The following SLC22A8 variants were observed in gnomAD, a reference collection of about 807,000 sequenced individuals.
The protein encoded by SLC22A8 is organic anion transporter 3.
SLC22A8 carries 40 observed loss-of-function variants against 48.4 expected under a neutral mutation model. That is an observed-to-expected ratio of 0.83 (90% CI 0.64 to 1.08). The LOEUF (loss-of-function observed/expected upper bound fraction) is 1.08, where lower values mean the gene tolerates loss of function less well. Ranked by LOEUF, SLC22A8 falls within the 50% of genes least tolerant of loss-of-function variation. SLC22A8 has a pLI of 0.00. For synonymous variants in SLC22A8, 268 were observed against 286.3 expected (o/e 0.94, Z 0.65); for missense variants, 606 against 699.0 (o/e 0.87, Z 1.50).
chr11:62,997,811 C>T (rs769743896), intron 5 of SLC22A8, among the ~76,000 whole-genome samples: 7 of 152,216 alleles, frequency 4.6e-5, no homozygotes, highest in Non-Finnish European at 1.0e-4. Flanking sequence ...GTCTCCCTCA[C>T]ACAGAGAAGC....
intron 6 of SLC22A8, 34 bp downstream of exon 6, chr11:62,995,995 G>A (rs374058007): frequency 1.4e-5 from 23 of 1,613,126 alleles, no homozygotes; most frequent in South Asian, 2.2e-5. Flanking sequence ...GAGCACAGGG[G>A]TTCTGCTCCC....
intron 2 of SLC22A8, among the ~76,000 whole-genome samples, chr11:63,006,897 G>C (rs1237050202): frequency 6.6e-6 from 1 of 151,824 alleles, no homozygotes; most frequent in East Asian, 1.9e-4. Context: ...GTGAGCCACC[G>C]CGCCCAGCCT....
intron 6 of SLC22A8, 39 bp from the exon 7 acceptor site, chr11:62,995,858 A>G (rs1329860098): frequency 1.3e-6 from 2 of 1,545,574 alleles, no homozygotes; most frequent in Admixed American, 3.3e-5. Context: ...ATTAATGACC[A>G]GCTAGTGGGC....
At chr11:63,005,197 C>T (rs1350201182) in intron 2 of SLC22A8, among the ~76,000 whole-genome samples, 1 of 152,200 alleles carries the variant, frequency 6.6e-6, no homozygotes, top group Non-Finnish European at 1.5e-5. Flanking sequence ...TAATGAAGCA[C>T]ATCAGAACTG....
chr11:63,012,777 C>T (rs377279974), intron 2 of SLC22A8, among the ~76,000 whole-genome samples: 17 of 152,318 alleles, frequency 1.1e-4, no homozygotes, highest in Non-Finnish European at 2.4e-4. Flanking sequence ...AGCGGGTCTG[C>T]GTCTCGCTGG....
Position 62,999,677 on chromosome 11 carries a change from C to T in SLC22A8, c.592+11G>A, listed in dbSNP as rs1333616573. The T allele has an allele frequency of 1.9e-6, 3 of 1,539,738 alleles. No individual in the cohort carries two copies. Among genetic ancestry groups the T allele is most frequent in the Admixed American group, 1.9e-5 (1 of 52,490 alleles). On this transcript the variant is annotated intron_variant, in intron 4 of 10. Transcript: ENST00000336232. ...CCCCAAAGCCCAGCTCCATGCCCCA[C>T]TGCAGCTCACTCAAGATGACGGTGC...
chr11:62,999,811 AG>A lies in SLC22A8; in HGVS notation c.468del (p.Tyr157ThrfsTer36). ...GAGCCGCTGGCTGCCAGCAGCAGGT[AG>A]CTGCAGGTCAGGATGGGCCTGCGGC... is the stretch of plus-strand genomic sequence containing the variant. ...RFGRRPILTC[S>X]YLLLAASGSG... On this transcript the variant is annotated frameshift_variant, in exon 4 of 11. Coordinates refer to ENST00000336232, the MANE Select transcript of SLC22A8 (RefSeq NM_004254.4). LOFTEE classifies it high-confidence loss of function. 6.2e-7 allele frequency: 1 copy of A among 1,600,944 alleles called. No individual in the cohort carries two copies. Among genetic ancestry groups the A allele is most frequent in the Non-Finnish European group, 8.5e-7 (1 of 1,173,236 alleles).
chr11:62,999,935 G>A (rs1590692888), intron 3 of SLC22A8, 93 bp from the exon 4 acceptor site: 1 of 1,111,818 alleles, frequency 9.0e-7, no homozygotes, highest in Admixed American at 3.8e-5. Flanking sequence ...GGCTGAATCC[G>A]ACCCCCAACC....
intron 2 of SLC22A8, among the ~76,000 whole-genome samples, chr11:63,007,902 A>G (rs2086574356): frequency 6.6e-6 from 1 of 152,244 alleles, no homozygotes; most frequent in South Asian, 2.1e-4. Flanking sequence ...TTGCTCAAGC[A>G]TAGCTTAATT....
At chr11:62,996,677 C>T (rs1482149156) in intron 5 of SLC22A8, among the ~76,000 whole-genome samples, 1 of 152,216 alleles carries the variant, frequency 6.6e-6, no homozygotes, top group African/African-American at 2.4e-5. Flanking sequence ...ACTAACTCTG[C>T]TGGGGGAGTT....
chr11:63,007,314 G>A (rs2135138574), intron 2 of SLC22A8, among the ~76,000 whole-genome samples: 1 of 152,270 alleles, frequency 6.6e-6, no homozygotes, highest in Non-Finnish European at 1.5e-5. Context: ...TCCACATAAT[G>A]TTCTTGCTCC....
intron 2 of SLC22A8, among the ~76,000 whole-genome samples, chr11:63,006,595 G>GTTTGTTTTTTTTT (rs2086557360): frequency 1.9e-5 from 1 of 51,402 alleles, no homozygotes; most frequent in Non-Finnish European, 3.5e-5. Context: ...TCTCATTTGA[G>GTTTGTTTTTTTTT]TTTTTTTTTT....
At chr11:62,993,679 G>A (rs2086372898) in intron 9 of SLC22A8, 52 bp from the exon 10 acceptor site, 1 of 1,598,552 alleles carries the variant, frequency 6.3e-7, no homozygotes, top group South Asian at 1.1e-5. Flanking sequence ...GTTCATAAAG[G>A]ATGGCTCCCC....
chr11:62,993,215 G>T lies in SLC22A8; in HGVS notation c.*22C>A. 1 of 1,592,030 alleles carries T rather than the reference G, an allele frequency of 6.3e-7. No homozygotes were observed. The highest frequency in any genetic ancestry group is 8.6e-7 in the Non-Finnish European group (1 of 1,164,050). On this transcript the variant is annotated 3_prime_UTR_variant, in exon 11 of 11. Transcript: ENST00000336232. ...GGCTAGGATCAGTCTCTGGAGGGCA[G>T]GGAAAGGGGGTTCCGTTGTCCTCAG...
chr11:62,999,626 T>C (rs2086466609), intron 4 of SLC22A8, 62 bp downstream of exon 4: 9 of 1,355,578 alleles, frequency 6.6e-6, no homozygotes. Flanking sequence ...CCAGACCCCA[T>C]TCTCTTTTGG....
In SLC22A8 at chr11:63,014,748, C is replaced by T. The variant is rs748490019; in HGVS notation, c.211G>A (p.Glu71Lys). Residue 71 changes from glutamate (E) to lysine (K), a missense_variant, in exon 2 of 11, where the codon GAG becomes AAG. Transcript: ENST00000336232. Reference protein sequence around the residue: ...VLPMGPNGKPERCLRFVHPPN... With the variant: ...VLPMGPNGKPKRCLRFVHPPN... ...GGATGTACAAAACGGAGGCACCTCTCAGGCTTCCCATTTGGGCCCATGGGG... is the reference window on the plus strand; with the variant it reads ...GGATGTACAAAACGGAGGCACCTCTTAGGCTTCCCATTTGGGCCCATGGGG... 13 of 1,614,044 alleles carry T rather than the reference C, an allele frequency of 8.1e-6. No individual in the cohort carries two copies. The Admixed American group carries it at 2.2e-4, about 27-fold the overall frequency.
At chr11:62,998,804 C>T (rs867887794) in intron 5 of SLC22A8, 117 bp downstream of exon 5, 4 of 849,510 alleles carry the variant, frequency 4.7e-6, no homozygotes, top group Middle Eastern at 2.5e-4. Flanking sequence ...GTGCCCTTCC[C>T]TGACTCTGGG....
chr11:63,012,187 A>G, intron 2 of SLC22A8, among the ~76,000 whole-genome samples: 1 of 151,870 alleles, frequency 6.6e-6, no homozygotes, highest in Non-Finnish European at 1.5e-5. Context: ...ACAGGGTTTC[A>G]CCATATTGGC....
In SLC22A8 at chr11:62,995,835, G is replaced by C. The variant is rs1248657730; in HGVS notation, c.886-16C>G. On this transcript the variant is annotated splice_polypyrimidine_tract_variant and intron_variant, in intron 6 of 10. Transcript: ENST00000336232. The stretch of plus-strand genomic sequence containing the variant: ...GTTTGAGCTCCTTCGGGCAGAGGAG[G>C]GGGAGGGGTGCCATTAATGACCAGC... 1.3e-6 allele frequency: 2 copies of C among 1,592,868 alleles called. No individual in the cohort carries two copies. The highest frequency in any genetic ancestry group is 2.7e-5 in the African/African-American group (2 of 74,454).
Sources: allele counts gnomAD v4.1 joint callset (sites outside exome capture counted in the v4.1 genomes callset), GRCh38; gene constraint gnomAD v4.1.1; transcripts MANE v1.5; gene names NCBI Gene and HGNC (gene_info 2026-07-23, HGNC 2026-07-21).